SH3BGRL2: variants seen among roughly 807,000 people sequenced by gnomAD.
The protein encoded by SH3BGRL2 is SH3 domain-binding glutamic acid-rich-like protein 2.
A neutral mutation model predicts 14.8 loss-of-function variants in SH3BGRL2; 21 were observed. The ratio of observed to expected loss-of-function variants is 1.42; its 90% CI spans 1.01 to 2.05. The LOEUF (loss-of-function observed/expected upper bound fraction) is 2.05, where lower values mean the gene tolerates loss of function less well. Ranked by LOEUF, SH3BGRL2 falls within the 30% of genes most tolerant of loss-of-function variation. The pLI, the probability that SH3BGRL2 is intolerant of heterozygous loss-of-function variation, is 0.00. For missense variants in SH3BGRL2, 147 were observed against 130.8 expected (o/e 1.12, Z -0.61); for synonymous variants, 50 against 47.8 (o/e 1.05, Z -0.19).
chr6:79,694,230 G>T (rs1222030440), intron 2 of SH3BGRL2, among the ~76,000 whole-genome samples: 1 of 152,116 alleles, frequency 6.6e-6, no homozygotes, highest in Non-Finnish European at 1.5e-5. Flanking sequence ...GAGAGAACAG[G>T]TATACTAAGT....
At position 79,696,510 on chromosome 6, in the gene SH3BGRL2, A is replaced by G. The variant is rs748707334; in HGVS notation, c.257A>G (p.Lys86Arg). The G allele has an allele frequency of 6.3e-7, 1 of 1,584,246 alleles. No homozygotes were observed. The highest frequency in any genetic ancestry group is 1.2e-5 in the South Asian group (1 of 84,102). The change falls in exon 3 of 4, where the codon AAG becomes AGG. Residue 86 changes from lysine (K) to arginine (R), a missense_variant. Transcript: ENST00000369838. ...GATTATGACAGTTTTTTTGAATCCA[A>G]GGAAAGCAACACAGTCTTTTCATTT... ...CGDYDSFFES[K>R]ESNTVFSFLG...
intron 1 of SH3BGRL2, among the ~76,000 whole-genome samples, chr6:79,644,610 C>G (rs1046577383): frequency 2.0e-5 from 3 of 152,038 alleles, no homozygotes; most frequent in African/African-American, 7.2e-5. Flanking sequence ...AATGTAGACT[C>G]CAGGGGCAGG....
At chr6:79,577,601 C>CA in the SH3BGRL2 span, among the ~76,000 whole-genome samples, 13 of 151,564 alleles carry the variant, frequency 8.6e-5, no homozygotes, top group Admixed American at 1.3e-4. Flanking sequence ...TGAATAAAGA[C>CA]AAAAAAAATA....
the SH3BGRL2 span, among the ~76,000 whole-genome samples, chr6:79,547,637 A>G: frequency 1.3e-5 from 2 of 152,164 alleles, no homozygotes; most frequent in Admixed American, 1.3e-4. Context: ...GGCGGAAGGA[A>G]AAGAGGTTGA....
the SH3BGRL2 span, among the ~76,000 whole-genome samples, chr6:79,559,209 A>C: frequency 2.5e-4 from 38 of 152,108 alleles, no homozygotes; most frequent in African/African-American, 8.2e-4. Context: ...CACGCCTGTA[A>C]TCCCAGCACT....
chr6:79,630,233 A>G (rs1026079903), upstream of SH3BGRL2, among the ~76,000 whole-genome samples: 190 of 152,218 alleles, frequency 1.2e-3, 1 homozygote, highest in African/African-American at 4.4e-3. Context: ...TAACTGTTCT[A>G]AAAAATACTT....
At chr6:79,631,945 A>G (rs1196768701) in intron 1 of SH3BGRL2, among the ~76,000 whole-genome samples, 2 of 152,154 alleles carry the variant, frequency 1.3e-5, no homozygotes, top group South Asian at 4.1e-4. Flanking sequence ...GAATGAAGCA[A>G]GTTTAAGTGG....
chr6:79,576,209 T>TA, the SH3BGRL2 span, among the ~76,000 whole-genome samples: 1 of 152,156 alleles, frequency 6.6e-6, no homozygotes, highest in Non-Finnish European at 1.5e-5. Flanking sequence ...AATATCATTT[T>TA]ATGACATCTC....
At chr6:79,675,360 G>A (rs1340976531) in intron 2 of SH3BGRL2, among the ~76,000 whole-genome samples, 2 of 152,036 alleles carry the variant, frequency 1.3e-5, no homozygotes, top group African/African-American at 4.8e-5. Context: ...GATTGTTTAT[G>A]TTTTTGTCAG....
At position 79,699,896 on chromosome 6, in the gene SH3BGRL2, G is replaced by A; in HGVS notation, c.*387G>A. 1 of 218,256 alleles carries A rather than the reference G, an allele frequency of 4.6e-6. No individual in the cohort carries two copies. The highest frequency in any genetic ancestry group is 8.9e-6 in the Non-Finnish European group (1 of 112,532). 13.5% of individuals were successfully genotyped at this position (218,256 alleles called of 1,614,324 possible). ...AACCCACTTCTCTTTAAGCTGCCTGGATTGCACCTTTGAAATATGTCTGCC... is the reference window on the plus strand; with the variant it reads ...AACCCACTTCTCTTTAAGCTGCCTGAATTGCACCTTTGAAATATGTCTGCC... On this transcript the variant is annotated 3_prime_UTR_variant, in exon 4 of 4. Transcript: ENST00000369838.
the SH3BGRL2 span, among the ~76,000 whole-genome samples, chr6:79,597,359 T>C: frequency 3.9e-4 from 50 of 129,136 alleles, no homozygotes; most frequent in African/African-American, 1.3e-3. Context: ...AGAGGAAGGA[T>C]GGAAGGAAGG....
At chr6:79,565,579 T>C in the SH3BGRL2 span, among the ~76,000 whole-genome samples, 6 of 152,238 alleles carry the variant, frequency 3.9e-5, no homozygotes, top group South Asian at 2.1e-4. Context: ...CGCTATTTAT[T>C]ATCATTTTAG....
chr6:79,652,757 T>A (rs1324943987), intron 1 of SH3BGRL2, among the ~76,000 whole-genome samples: 1 of 151,966 alleles, frequency 6.6e-6, no homozygotes, highest in Admixed American at 6.6e-5. Context: ...ATTTTTTTTT[T>A]AAAGCAGGAA....
chr6:79,656,428 T>C (rs2746313), intron 1 of SH3BGRL2, among the ~76,000 whole-genome samples: 27,895 of 152,146 alleles, frequency 0.18, 3,047 homozygotes, highest in East Asian at 0.47. Flanking sequence ...GAATCCACTC[T>C]TCCAGGCAAT....
chr6:79,602,921 G>T, the SH3BGRL2 span, among the ~76,000 whole-genome samples: 1 of 152,136 alleles, frequency 6.6e-6, no homozygotes, highest in Non-Finnish European at 1.5e-5. Flanking sequence ...AGTCTTCTGA[G>T]ACAGAGTGGT....
Position 79,673,709 on chromosome 6 carries a change from AT to A in SH3BGRL2, c.142del (p.Trp48GlyfsTer48), listed in dbSNP as rs1562154229. On this transcript the variant is annotated frameshift_variant, in exon 2 of 4. Coordinates refer to ENST00000369838, the MANE Select transcript of SH3BGRL2 (RefSeq NM_031469.4). LOFTEE classifies it high-confidence loss of function. ...TCACAATGTCAGAAGAACAGAGGCA[AT>A]GGATGTACAAAAACGTCCCCCCGGA... is the stretch of plus-strand genomic sequence containing the variant. ...DITMSEEQRQ[W>X]MYKNVPPEKK... is the part of the protein sequence containing the mutation. 3 of 1,614,144 alleles carry A rather than the reference AT, an allele frequency of 1.9e-6. No homozygotes were observed. Among genetic ancestry groups the A allele is most frequent in the Non-Finnish European group, 2.5e-6 (3 of 1,179,998 alleles).
At chr6:79,635,486 G>T (rs761195053) in intron 1 of SH3BGRL2, among the ~76,000 whole-genome samples, 1 of 152,202 alleles carries the variant, frequency 6.6e-6, no homozygotes, top group Non-Finnish European at 1.5e-5. Context: ...TCTGTATTAG[G>T]TGATGTAAGG....
chr6:79,545,618 C>G, the SH3BGRL2 span, among the ~76,000 whole-genome samples: 18 of 152,260 alleles, frequency 1.2e-4, no homozygotes, highest in Admixed American at 9.8e-4. Context: ...CCTCTCACTA[C>G]ATGTATATAA....
At chr6:79,594,967 A>G in the SH3BGRL2 span, among the ~76,000 whole-genome samples, 1 of 152,210 alleles carries the variant, frequency 6.6e-6, no homozygotes, top group South Asian at 2.1e-4. Context: ...AAAGATTTCA[A>G]AATTTTATAA....
Sources: gnomAD v4.1 joint callset for allele counts (sites outside exome capture counted in the v4.1 genomes callset) on GRCh38, gnomAD v4.1.1 for gene constraint, MANE v1.5 for transcripts, NCBI Gene and HGNC (gene_info 2026-07-23, HGNC 2026-07-21) for gene names.